The following CDH18 variants were observed in gnomAD, a reference collection of about 807,000 sequenced individuals.
CDH18 encodes the protein cadherin 18.
In CDH18, 31 loss-of-function variants were observed where a neutral mutation model predicts 67.9. The observed-to-expected ratio is 0.46, with a 90% CI of 0.34 to 0.62. The LOEUF (loss-of-function observed/expected upper bound fraction) is 0.62. CDH18 is among the 20% of genes least tolerant of loss of function. The probability of loss-of-function intolerance (pLI) is 0.01; values close to 1 mark genes in which losing one functional copy is unlikely to be tolerated. For synonymous variants in CDH18, 362 were observed against 347.2 expected, an observed-to-expected ratio of 1.04 and a Z score of -0.48; for missense variants, 890 against 975.5, an observed-to-expected ratio of 0.91 and a Z score of 1.17.
intron 9 of CDH18, among the ~76,000 whole-genome samples, chr5:19,523,451 T>C (rs1336306653): frequency 6.6e-6 from 1 of 152,116 alleles, no homozygotes. Context: ...AAAGGACTTG[T>C]ATCTGTAATA....
intron 1 of CDH18, among the ~76,000 whole-genome samples, chr5:20,286,782 C>T (rs956706919): frequency 3.3e-5 from 5 of 151,698 alleles, no homozygotes; most frequent in African/African-American, 1.2e-4. Context: ...AGTTTATGAT[C>T]CAGCTCATTG....
At chr5:20,396,509 A>G (rs1745294166) in intron 1 of CDH18, among the ~76,000 whole-genome samples, 1 of 152,146 alleles carries the variant, frequency 6.6e-6, no homozygotes, top group Admixed American at 6.6e-5. Context: ...ACTTACAAAA[A>G]TAAATCATAA....
chr5:20,389,421 C>T (rs1371176703), intron 1 of CDH18, among the ~76,000 whole-genome samples: 1 of 152,060 alleles, frequency 6.6e-6, no homozygotes, highest in Non-Finnish European at 1.5e-5. Flanking sequence ...CTTCCTCCAT[C>T]CCTTTATTTT....
intron 1 of CDH18, among the ~76,000 whole-genome samples, chr5:20,271,092 T>C (rs1745403247): frequency 6.6e-6 from 1 of 151,934 alleles, no homozygotes. Context: ...ATGACACAGT[T>C]TGCCTATATG....
chr5:20,239,854 T>C (rs1280556033), intron 2 of CDH18, among the ~76,000 whole-genome samples: 1 of 151,994 alleles, frequency 6.6e-6, no homozygotes, highest in East Asian at 1.9e-4. Flanking sequence ...CTTAAGAAAT[T>C]ATTATCTGGC....
At chr5:19,568,630 G>A (rs1327715407) in intron 8 of CDH18, among the ~76,000 whole-genome samples, 1 of 152,092 alleles carries the variant, frequency 6.6e-6, no homozygotes, top group African/African-American at 2.4e-5. Context: ...AAAAAGAAAT[G>A]GAAGAGTTTG....
intron 1 of CDH18, among the ~76,000 whole-genome samples, chr5:20,380,245 G>A (rs531235050): frequency 6.6e-6 from 1 of 152,064 alleles, no homozygotes; most frequent in South Asian, 2.1e-4. Context: ...TGCAAATTTG[G>A]GTTCAAATTT....
At chr5:19,981,408 A>T (rs1799027551) in intron 1 of CDH18, among the ~76,000 whole-genome samples, 2 of 117,996 alleles carry the variant, frequency 1.7e-5, no homozygotes, top group African/African-American at 5.0e-5. Context: ...CCACAGAAAG[A>T]ATAATTTATA....
In CDH18 at chr5:19,912,598, T is replaced by C. The variant is rs530754359; in HGVS notation, c.-257+68462A>G. Among the ~76,000 whole-genome samples the C allele has an allele frequency of 2.0e-5, 3 of 152,308 alleles. No individual in the cohort carries two copies. The East Asian group carries it at 5.8e-4, about 29-fold the overall frequency. On this transcript the variant is annotated intron_variant, in intron 2 of 12. Transcript: ENST00000382275. ...CATTTGCAAGTGAAGAAGAAGAGTT[T>C]ATTTATTTATTTTACTGCTAATGAG...
chr5:20,062,800 G>T (rs958091417), intron 2 of CDH18, among the ~76,000 whole-genome samples: 1 of 152,024 alleles, frequency 6.6e-6, no homozygotes, highest in Non-Finnish European at 1.5e-5. Flanking sequence ...TTAAATTTAG[G>T]ACTGAATGCT....
intron 3 of CDH18, among the ~76,000 whole-genome samples, chr5:19,747,990 G>A (rs929848599): frequency 3.3e-5 from 5 of 150,288 alleles, no homozygotes; most frequent in South Asian, 4.2e-4. Flanking sequence ...GCGGGCGCCT[G>A]TAGTCCCAGC....
intron 1 of CDH18, among the ~76,000 whole-genome samples, chr5:20,469,303 T>C (rs1349937916): frequency 6.6e-6 from 1 of 152,296 alleles, no homozygotes; most frequent in African/African-American, 2.4e-5. Context: ...CGTATTTTTG[T>C]GTGTATTGAC....
intron 3 of CDH18, among the ~76,000 whole-genome samples, chr5:19,804,918 C>T (rs1777875241): frequency 6.6e-6 from 1 of 151,296 alleles, no homozygotes; most frequent in East Asian, 1.9e-4. Context: ...GGCATAAAAT[C>T]AGCTATGGAA....
chr5:19,765,527 C>T (rs879344797), intron 3 of CDH18, among the ~76,000 whole-genome samples: 3 of 152,014 alleles, frequency 2.0e-5, no homozygotes, highest in African/African-American at 4.8e-5. Flanking sequence ...GATCTAACGT[C>T]ACAGAACATC....
chr5:19,520,561 A>ACTGTGGG (rs1271355596), intron 10 of CDH18, 96 bp downstream of exon 10: 2 of 1,048,190 alleles, frequency 1.9e-6, no homozygotes, highest in African/African-American at 3.3e-5. Flanking sequence ...ACAAAATTAC[A>ACTGTGGG]CTGTGGGCTT....
intron 5 of CDH18, among the ~76,000 whole-genome samples, chr5:19,703,499 T>G (rs1375222242): frequency 6.6e-6 from 1 of 152,154 alleles, no homozygotes; most frequent in Non-Finnish European, 1.5e-5. Flanking sequence ...GGTTTGTCCC[T>G]ACCCTTCTGC....
At chr5:19,545,322 A>G (rs1436957648) in intron 8 of CDH18, among the ~76,000 whole-genome samples, 3 of 152,310 alleles carry the variant, frequency 2.0e-5, no homozygotes, top group East Asian at 3.9e-4. Context: ...ATCTATGTCA[A>G]TGTGGCTATG....
At chr5:20,235,444 C>T (rs1742399267) in intron 2 of CDH18, among the ~76,000 whole-genome samples, 1 of 152,026 alleles carries the variant, frequency 6.6e-6, no homozygotes, top group African/African-American at 2.4e-5. Context: ...AAATGAATAA[C>T]CCTGTTAAAA....
intron 2 of CDH18, among the ~76,000 whole-genome samples, chr5:20,079,391 G>A (rs1305694372): frequency 6.6e-6 from 1 of 152,108 alleles, no homozygotes; most frequent in African/African-American, 2.4e-5. Flanking sequence ...ATGACAATAT[G>A]TTCTGTTTTT....
Sources: gnomAD v4.1 joint callset for allele counts (sites outside exome capture counted in the v4.1 genomes callset) on GRCh38, gnomAD v4.1.1 for gene constraint, MANE v1.5 for transcripts, NCBI Gene and HGNC (gene_info 2026-07-23, HGNC 2026-07-21) for gene names.